Variants in TARBP1 observed in about 807,000 individuals in gnomAD.
The protein encoded by TARBP1 is tRNA guanosine 2 -O-methyltransferase TARBP1, also known as tRNA (guanosine(18)-2'-O)-methyltransferase TARBP1.
Under a neutral mutation model 178.6 loss-of-function variants are expected in TARBP1, and 144 were observed. That is an observed-to-expected ratio of 0.81 (90% confidence interval 0.70 to 0.93). The LOEUF is 0.93. TARBP1 is among the 40% of genes least tolerant of loss of function. TARBP1 has a pLI of 0.00. For missense variants in TARBP1, 2,067 were observed against 2,011.7 expected, an observed-to-expected ratio of 1.03 and a Z score of -0.53; for synonymous variants, 787 against 781.0, an observed-to-expected ratio of 1.01 and a Z score of -0.13.
intron 22 of TARBP1, among the ~76,000 whole-genome samples, chr1:234,417,256 C>T (rs1165161068): frequency 2.6e-5 from 4 of 152,028 alleles, no homozygotes; most frequent in African/African-American, 4.8e-5. Context: ...TGGATGATAG[C>T]TGGGTGGAGG....
chr1:234,433,284 G>A (rs1418483166), intron 14 of TARBP1, 126 bp downstream of exon 14: 3 of 973,746 alleles, frequency 3.1e-6, no homozygotes, highest in East Asian at 2.6e-5. Flanking sequence ...TCACTAGAGG[G>A]TATATTTTAA....
intron 8 of TARBP1, among the ~76,000 whole-genome samples, chr1:234,458,521 T>C (rs270514): frequency 0.37 from 55,899 of 152,046 alleles, 10,889 homozygotes; most frequent in African/African-American, 0.51. Flanking sequence ...TTTTTTGGAA[T>C]ATAGCCAACG....
intron 14 of TARBP1, among the ~76,000 whole-genome samples, chr1:234,431,618 T>G (rs1034966783): frequency 6.6e-6 from 1 of 152,256 alleles, no homozygotes; most frequent in Non-Finnish European, 1.5e-5. Flanking sequence ...TAACTTTTAT[T>G]GAGGACTGTC....
At chr1:234,437,177 A>G in intron 13 of TARBP1, 98 bp downstream of exon 13, 1 of 643,008 alleles carries the variant, frequency 1.6e-6, no homozygotes, top group Non-Finnish European at 2.4e-6. Context: ...GAGAAAATTA[A>G]TTTTTCTTTT....
At chr1:234,414,934 A>G (rs1047967556) in intron 22 of TARBP1, among the ~76,000 whole-genome samples, 2 of 152,144 alleles carry the variant, frequency 1.3e-5, no homozygotes, top group Admixed American at 6.5e-5. Context: ...CAGTGAGCCA[A>G]TATCGCACCA....
Position 234,478,716 on chromosome 1 carries a change from C to G in TARBP1, c.388G>C (p.Ala130Pro), listed in dbSNP as rs570176833. ...LAEEALRDLL[A>P]GWRAPGAEAA... is the part of the protein sequence containing the mutation. ...TCGGCGCCAGGCGCGCGCCACCCGG[C>G]GAGCAGATCGCGCAGCGCCTCCTCA... Residue 130 changes from alanine to proline, a missense_variant, in exon 1 of 30, where the codon GCC becomes CCC. Coordinates refer to ENST00000040877, the MANE Select transcript of TARBP1 (RefSeq NM_005646.4). 6.0e-3 allele frequency: 7,161 copies of G among 1,203,054 alleles called. 25 individuals are homozygous for G. Among genetic ancestry groups the G allele is most frequent in the Admixed American group, 7.1e-3 (154 of 21,828 alleles). The allele number at this position is 1,203,054 out of a possible 1,614,324, so 74.5% of individuals were successfully genotyped here.
intron 9 of TARBP1, among the ~76,000 whole-genome samples, chr1:234,453,449 CA>C (rs1666987393): frequency 6.6e-6 from 1 of 151,750 alleles, no homozygotes; most frequent in Non-Finnish European, 1.5e-5. Flanking sequence ...CTCTGCCTCC[CA>C]AAGTACTGGG....
intron 1 of TARBP1, among the ~76,000 whole-genome samples, 163 bp downstream of exon 1, chr1:234,478,009 AG>A (rs1452136402): frequency 1.3e-5 from 2 of 152,208 alleles, no homozygotes; most frequent in African/African-American, 4.8e-5. Context: ...ACCCTCGAGA[AG>A]GGGTTCCAAA....
At chr1:234,444,339 GTA>G (rs1255656747) in intron 12 of TARBP1, among the ~76,000 whole-genome samples, 1 of 152,140 alleles carries the variant, frequency 6.6e-6, no homozygotes, top group African/African-American at 2.4e-5. Context: ...GTAACTAAAA[GTA>G]TGTTTCCTCA....
intron 17 of TARBP1, 32 bp from the exon 18 acceptor site, chr1:234,427,798 T>C (rs1663952498): frequency 1.4e-6 from 2 of 1,383,002 alleles, no homozygotes; most frequent in Admixed American, 2.8e-5. Context: ...ATTTTATCCT[T>C]GATTTAGTTT....
rs1482381241 is a variant in TARBP1, at chr1:234,393,426, C to G, written c.4496G>C (p.Cys1499Ser). ...GTGCTGAAACTGTTTGTCGCTGATA[C>G]ACTGAAGGCTGCCAACAACGAGCAC... ...ASVLVVGSLQ[C>S]ISDKQFQHLS... The change falls in exon 28 of 30, where the codon TGT (cysteine) becomes TCT (serine). Residue 1499 changes from cysteine to serine, a missense_variant. Transcript: ENST00000040877. 6.2e-7 allele frequency: 1 copy of G among 1,610,414 alleles called. No individual in the cohort carries two copies. The highest frequency in any genetic ancestry group is 8.5e-7 in the Non-Finnish European group (1 of 1,177,870).
chr1:234,429,753 C>T, intron 15 of TARBP1, 76 bp from the exon 16 acceptor site: 1 of 1,240,290 alleles, frequency 8.1e-7, no homozygotes, highest in Non-Finnish European at 1.1e-6. Flanking sequence ...GCACACTATC[C>T]TTTCTAAAGG....
chr1:234,454,921 G>A (rs1667133076), intron 9 of TARBP1, among the ~76,000 whole-genome samples: 1 of 152,180 alleles, frequency 6.6e-6, no homozygotes, highest in Non-Finnish European at 1.5e-5. Flanking sequence ...AATCCTAAGT[G>A]TCCTCATAAA....
chr1:234,397,966 A>T (rs898251443), intron 26 of TARBP1, among the ~76,000 whole-genome samples: 11 of 150,448 alleles, frequency 7.3e-5, no homozygotes, highest in African/African-American at 2.7e-4. Context: ...ACCAACCAAG[A>T]GGGGACTAGA....
chr1:234,393,702 G>A lies in TARBP1; in HGVS notation c.4379C>T (p.Ser1460Leu). ...FQDRAARLGK[S>L]ISRLIVVASL... ...GGCCACAACGATGAGTCTACTAATT[G>A]ACTTTCCAAGTCTGGCAGCACGATC... Residue 1460 changes from serine (S) to leucine (L), a missense_variant, in exon 27 of 30, where the codon TCA (serine) becomes TTA (leucine). Physicochemically the swap from Ser to Leu is moderately radical, Grantham distance 145 (BLOSUM62 -2). Transcript: ENST00000040877. The A allele has an allele frequency of 3.7e-6, 6 of 1,613,974 alleles. No individual in the cohort carries two copies. Among genetic ancestry groups the A allele is most frequent in the Non-Finnish European group, 5.1e-6 (6 of 1,180,004 alleles).
At position 234,446,802 on chromosome 1, in the gene TARBP1, C is replaced by G. The variant is rs1452202575; in HGVS notation, c.2134+1G>C. 6.2e-7 allele frequency: 1 copy of G among 1,612,920 alleles called. No homozygotes were observed. The highest frequency in any genetic ancestry group is 8.5e-7 in the Non-Finnish European group (1 of 1,179,588). On this transcript the variant is annotated splice_donor_variant, in intron 12 of 29. Transcript: ENST00000040877. LOFTEE classifies it high-confidence loss of function. The stretch of plus-strand genomic sequence containing the variant: ...TACCAAGAGAAACAACTTATCCTCA[C>G]CATCTTGGGCACTGGAACCTTTCAA...
Position 234,457,773 on chromosome 1 carries a change from AG to A in TARBP1, c.1633-18del, listed in dbSNP as rs1667433954. 1 of 1,583,096 alleles carries A rather than the reference AG, an allele frequency of 6.3e-7. No individual in the cohort carries two copies. Among genetic ancestry groups the A allele is most frequent in the South Asian group, 1.1e-5 (1 of 87,708 alleles). On this transcript the variant is annotated intron_variant, in intron 8 of 29. Coordinates refer to ENST00000040877, the MANE Select transcript of TARBP1 (RefSeq NM_005646.4). ...CACTTTCTCCTGGGCAGGGCAGGAA[AG>A]GTTTTAAAAATTACTCGTATTAAAA...
At chr1:234,459,572 G>A (rs1667633535) in intron 7 of TARBP1, among the ~76,000 whole-genome samples, 1 of 152,154 alleles carries the variant, frequency 6.6e-6, no homozygotes, top group African/African-American at 2.4e-5. Flanking sequence ...ACAACTTTGA[G>A]AGATTGAGGC....
intron 22 of TARBP1, among the ~76,000 whole-genome samples, chr1:234,416,957 G>A (rs1027037797): frequency 2.0e-5 from 3 of 152,198 alleles, no homozygotes; most frequent in Non-Finnish European, 4.4e-5. Context: ...ATAAAACCAA[G>A]CATAAGGGTT....
Sources: allele counts gnomAD v4.1 joint callset (sites outside exome capture counted in the v4.1 genomes callset), GRCh38; gene constraint gnomAD v4.1.1; transcripts MANE v1.5; gene names NCBI Gene and HGNC (gene_info 2026-07-23, HGNC 2026-07-21).